Variants in PDE1A observed in about 807,000 individuals in gnomAD.
The protein encoded by PDE1A is dual specificity calcium/calmodulin-dependent 3',5'-cyclic nucleotide phosphodiesterase 1A.
Under a neutral mutation model 61.7 loss-of-function variants are expected in PDE1A, and 35 were observed. That is an observed-to-expected ratio of 0.57 (90% CI 0.43 to 0.75). The LOEUF is 0.75. Ranked by LOEUF, PDE1A falls within the 30% of genes least tolerant of loss-of-function variation. PDE1A has a pLI of 0.00. For missense variants in PDE1A, 597 were observed against 630.6 expected, an observed-to-expected ratio of 0.95 and a Z score of 0.57; for synonymous variants, 232 against 213.2, an observed-to-expected ratio of 1.09 and a Z score of -0.77.
At chr2:182,415,665 T>A (rs934376870) in intron 1 of PDE1A, among the ~76,000 whole-genome samples, 2 of 152,194 alleles carry the variant, frequency 1.3e-5, no homozygotes, top group African/African-American at 4.8e-5. Context: ...CAGTTCTTTA[T>A]GTTCTAAATT....
intron 1 of PDE1A, among the ~76,000 whole-genome samples, chr2:182,416,639 G>T (rs557275615): frequency 3.9e-5 from 6 of 152,158 alleles, no homozygotes; most frequent in Middle Eastern, 3.4e-3. Context: ...AATAAGAAAA[G>T]AAATAATTAA....
chr2:182,589,832 TC>T, the PDE1A span, among the ~76,000 whole-genome samples: 1 of 152,212 alleles, frequency 6.6e-6, no homozygotes, highest in Non-Finnish European at 1.5e-5. Context: ...TGGAAGTCCA[TC>T]ATACCAGTGG....
chr2:182,383,171 GCT>G (rs905651489), intron 1 of PDE1A, among the ~76,000 whole-genome samples: 4 of 152,092 alleles, frequency 2.6e-5, no homozygotes, highest in African/African-American at 9.7e-5. Context: ...CACTGTCTGT[GCT>G]CTCTTTTCTT....
chr2:182,553,004 T>C, the PDE1A span, among the ~76,000 whole-genome samples: 6 of 152,208 alleles, frequency 3.9e-5, no homozygotes, highest in Non-Finnish European at 7.3e-5. Flanking sequence ...GAGGGGCCCA[T>C]TGCCACTCCT....
upstream of PDE1A, among the ~76,000 whole-genome samples, chr2:182,429,729 GT>G (rs1300292709): frequency 6.6e-6 from 1 of 152,102 alleles, no homozygotes; most frequent in African/African-American, 2.4e-5. Flanking sequence ...CCCTAAGAGT[GT>G]CATGGTATTT....
intron 2 of PDE1A, among the ~76,000 whole-genome samples, chr2:182,521,743 C>T (rs1257425930): frequency 2.6e-5 from 4 of 152,112 alleles, no homozygotes; most frequent in Non-Finnish European, 5.9e-5. Flanking sequence ...AAAGCCAAAA[C>T]TCTCCAATAA....
At chr2:182,688,435 A>C in the PDE1A span, among the ~76,000 whole-genome samples, 1 of 152,234 alleles carries the variant, frequency 6.6e-6, no homozygotes, top group Admixed American at 6.5e-5. Context: ...ACTAAGCTTC[A>C]TAAGTGAAGG....
chr2:182,633,457 A>G, the PDE1A span, among the ~76,000 whole-genome samples: 2 of 152,114 alleles, frequency 1.3e-5, no homozygotes, highest in African/African-American at 2.4e-5. Context: ...CAAAACAGAA[A>G]TGGCTGGTGT....
intron 2 of PDE1A, among the ~76,000 whole-genome samples, chr2:182,254,257 T>A (rs1291693572): frequency 1.3e-5 from 2 of 152,094 alleles, no homozygotes; most frequent in Non-Finnish European, 2.9e-5. Flanking sequence ...ACTGCAACTT[T>A]TTCTAAGTGA....
At chr2:182,436,640 T>A (rs560608343) in intron 2 of PDE1A, among the ~76,000 whole-genome samples, 1 of 151,954 alleles carries the variant, frequency 6.6e-6, no homozygotes. Flanking sequence ...GGGAGGAAAG[T>A]TGGCATGTGT....
the PDE1A span, among the ~76,000 whole-genome samples, chr2:182,581,768 C>A: frequency 6.6e-6 from 1 of 152,134 alleles, no homozygotes; most frequent in African/African-American, 2.4e-5. Context: ...AATAACAGGG[C>A]TAGCAACTGG....
At chr2:182,690,894 CAGAG>C in the PDE1A span, among the ~76,000 whole-genome samples, 5 of 152,134 alleles carry the variant, frequency 3.3e-5, no homozygotes, top group African/African-American at 7.2e-5. Flanking sequence ...AACAGACAAA[CAGAG>C]AGCCAAATCA....
At chr2:182,660,444 T>C in the PDE1A span, among the ~76,000 whole-genome samples, 1 of 152,152 alleles carries the variant, frequency 6.6e-6, no homozygotes, top group Non-Finnish European at 1.5e-5. Flanking sequence ...GGAGAACCTA[T>C]GAATATAAGA....
chr2:182,185,025 TTCTG>T (rs1168328867), intron 13 of PDE1A, among the ~76,000 whole-genome samples: 5 of 152,218 alleles, frequency 3.3e-5, no homozygotes, highest in Non-Finnish European at 5.9e-5. Context: ...TATTGTGTCT[TTCTG>T]ACTATAAATA....
chr2:182,389,158 C>T (rs975086019), intron 1 of PDE1A, among the ~76,000 whole-genome samples: 1 of 152,102 alleles, frequency 6.6e-6, no homozygotes, highest in Non-Finnish European at 1.5e-5. Context: ...CCCTAAAGAA[C>T]TGAGAATCTT....
At chr2:182,282,127 C>T (rs1322567414) in intron 1 of PDE1A, among the ~76,000 whole-genome samples, 1 of 151,838 alleles carries the variant, frequency 6.6e-6, no homozygotes, top group Non-Finnish European at 1.5e-5. Context: ...ACTCACTCAC[C>T]TCTAACTCTT....
intron 1 of PDE1A, among the ~76,000 whole-genome samples, chr2:182,413,997 G>A (rs1291910323): frequency 2.6e-5 from 4 of 152,084 alleles, no homozygotes; most frequent in Non-Finnish European, 5.9e-5. Context: ...GGTATCAGGA[G>A]GTCATCAGGT....
At chr2:182,453,242 G>A (rs1346774) in intron 2 of PDE1A, among the ~76,000 whole-genome samples, 150,975 of 152,146 alleles carry the variant, frequency 0.99, 74,914 homozygotes, top group Middle Eastern at 1. Flanking sequence ...CGGCACTATC[G>A]TTATTAGTCA....
At chr2:182,336,295 T>G (rs550075307) in intron 1 of PDE1A, among the ~76,000 whole-genome samples, 1 of 152,222 alleles carries the variant, frequency 6.6e-6, no homozygotes, top group East Asian at 1.9e-4. Context: ...TATAAATCAT[T>G]CTACTATAAA....
Sources: gnomAD v4.1 joint callset for allele counts (sites outside exome capture counted in the v4.1 genomes callset) on GRCh38, gnomAD v4.1.1 for gene constraint, MANE v1.5 for transcripts, NCBI Gene and HGNC (gene_info 2026-07-23, HGNC 2026-07-21) for gene names.